Variants in IFT57 observed in about 807,000 individuals in gnomAD.
IFT57 encodes intraflagellar transport protein 57 homolog.
Under a neutral mutation model 56.8 loss-of-function variants are expected in IFT57, and 59 were observed. The ratio of observed to expected loss-of-function variants is 1.04; its 90% CI spans 0.84 to 1.29. The LOEUF is 1.29. Ranked by LOEUF, IFT57 falls within the 50% of genes most tolerant of loss-of-function variation. IFT57 has a pLI of 0.00. For synonymous variants in IFT57, 209 were observed against 186.1 expected, an observed-to-expected ratio of 1.12 and a Z score of -1.00; for missense variants, 470 against 522.1, an observed-to-expected ratio of 0.90 and a Z score of 0.97.
chr3:108,199,890 TAG>T (rs2080268214), intron 5 of IFT57, among the ~76,000 whole-genome samples: 1 of 152,048 alleles, frequency 6.6e-6, no homozygotes, highest in South Asian at 2.1e-4. Flanking sequence ...TTGAGTCAGG[TAG>T]AGAGACAGTG....
At chr3:108,216,249 A>C (rs2080372439) in intron 3 of IFT57, among the ~76,000 whole-genome samples, 1 of 152,214 alleles carries the variant, frequency 6.6e-6, no homozygotes, top group Admixed American at 6.5e-5. Flanking sequence ...ATGTATAAGA[A>C]ATTCAAGCAA....
At chr3:108,199,227 A>C (rs914559823) in intron 5 of IFT57, among the ~76,000 whole-genome samples, 14 of 152,216 alleles carry the variant, frequency 9.2e-5, no homozygotes, top group Non-Finnish European at 1.9e-4. Context: ...AAAAGAATAA[A>C]GTTTTTTCAA....
intron 4 of IFT57, among the ~76,000 whole-genome samples, chr3:108,208,523 T>C (rs945603297): frequency 6.6e-6 from 1 of 152,200 alleles, no homozygotes; most frequent in Non-Finnish European, 1.5e-5. Context: ...AACCAATATA[T>C]GGTGCTGTTT....
At position 108,195,519 on chromosome 3, in the gene IFT57, C is replaced by T. The variant is rs977117208; in HGVS notation, c.655-3876G>A. Among the ~76,000 whole-genome samples, 12 of 152,208 alleles carry T rather than the reference C, an allele frequency of 7.9e-5. No homozygotes were observed. The East Asian group carries it at 1.3e-3, about 17-fold the overall frequency. The stretch of plus-strand genomic sequence containing the variant: ...AGTATGTTAAAGAGAAATCTGCATT[C>T]GCATGTTTACTGCAGCACTATCCAC... On this transcript the variant is annotated intron_variant, in intron 5 of 10. Transcript: ENST00000264538.
intron 5 of IFT57, among the ~76,000 whole-genome samples, chr3:108,205,861 A>G (rs1285224613): frequency 3.7e-5 from 5 of 136,216 alleles, no homozygotes; most frequent in African/African-American, 1.4e-4. Context: ...ATATATTTAT[A>G]TAACATATTT....
At chr3:108,177,410 A>G (rs1312346189) in intron 6 of IFT57, among the ~76,000 whole-genome samples, 1 of 151,842 alleles carries the variant, frequency 6.6e-6, no homozygotes, top group Non-Finnish European at 1.5e-5. Context: ...CCTAAAAACA[A>G]ACAAAAATTA....
chr3:108,196,462 A>AT (rs1261236269), intron 5 of IFT57, among the ~76,000 whole-genome samples: 1 of 152,246 alleles, frequency 6.6e-6, no homozygotes, highest in African/African-American at 2.4e-5. Flanking sequence ...TGCAGTGGCC[A>AT]TTTGAACTAG....
chr3:108,206,776 T>C (rs2080316448), intron 4 of IFT57, 80 bp from the exon 5 acceptor site: 2 of 336,944 alleles, frequency 5.9e-6, no homozygotes, highest in Non-Finnish European at 1.0e-5. Context: ...TATGCTATAC[T>C]AAGCTATATT....
At chr3:108,213,298 G>GTTTT (rs1560127293) in intron 4 of IFT57, among the ~76,000 whole-genome samples, 1 of 151,728 alleles carries the variant, frequency 6.6e-6, no homozygotes, top group African/African-American at 2.4e-5. Flanking sequence ...TATAAAGTTT[G>GTTTT]TTTTTTCCCC....
At chr3:108,198,693 T>C (rs1241756367) in intron 5 of IFT57, among the ~76,000 whole-genome samples, 2 of 152,178 alleles carry the variant, frequency 1.3e-5, no homozygotes, top group South Asian at 2.1e-4. Context: ...CCACCTACCA[T>C]GGCCCTCAAA....
At chr3:108,178,043 T>G (rs2080133357) in intron 6 of IFT57, among the ~76,000 whole-genome samples, 1 of 151,660 alleles carries the variant, frequency 6.6e-6, no homozygotes, top group Non-Finnish European at 1.5e-5. Context: ...CAGCAACAAA[T>G]AAACATAAAA....
At chr3:108,220,935 G>C (rs1333932403) in intron 1 of IFT57, among the ~76,000 whole-genome samples, 1 of 152,040 alleles carries the variant, frequency 6.6e-6, no homozygotes, top group Non-Finnish European at 1.5e-5. Context: ...AGAACCTTAA[G>C]GACATTTTGT....
At chr3:108,213,503 G>C (rs947338928) in intron 4 of IFT57, among the ~76,000 whole-genome samples, 2 of 152,148 alleles carry the variant, frequency 1.3e-5, no homozygotes, top group African/African-American at 4.8e-5. Flanking sequence ...TCATTTAAAA[G>C]CATTAAAAAA....
At chr3:108,201,693 A>G (rs909834349) in intron 5 of IFT57, among the ~76,000 whole-genome samples, 8 of 152,220 alleles carry the variant, frequency 5.3e-5, no homozygotes, top group Admixed American at 1.3e-4. Context: ...TGTACATAGA[A>G]CAGTTTTTTC....
chr3:108,179,905 T>TA (rs34903030), intron 6 of IFT57, among the ~76,000 whole-genome samples: 151,581 of 151,988 alleles, frequency 1, 75,588 homozygotes, highest in Middle Eastern at 1. Flanking sequence ...CATATTACTT[T>TA]AAAAAAGTAT....
Position 108,222,407 on chromosome 3 carries a change from C to A in IFT57, c.-85G>T. On this transcript the variant is annotated 5_prime_UTR_variant, in exon 1 of 11. Transcript: ENST00000264538. ...CCAGCCCTGCCGCCGCCAGTACAGC[C>A]ACGACCGGTTACCAGGCGACCACCG... 1 of 1,218,664 alleles carries A rather than the reference C, an allele frequency of 8.2e-7. No individual in the cohort carries two copies. Among genetic ancestry groups the A allele is most frequent in the East Asian group, 2.7e-5 (1 of 36,854 alleles). The allele number at this position is 1,218,664 out of a possible 1,614,324, so 75.5% of individuals were successfully genotyped here. A position where few individuals can be genotyped will look rare whatever the true frequency, so the allele number is the denominator to read the frequency against.
At chr3:108,208,047 GA>G (rs869115655) in intron 4 of IFT57, among the ~76,000 whole-genome samples, 15,861 of 92,344 alleles carry the variant, frequency 0.17, 822 homozygotes, top group Middle Eastern at 0.21. Flanking sequence ...CGTCTCAAAA[GA>G]AAAAAAAAAA....
intron 6 of IFT57, among the ~76,000 whole-genome samples, chr3:108,175,948 T>C (rs2080121739): frequency 6.6e-6 from 1 of 151,802 alleles, no homozygotes; most frequent in Admixed American, 6.6e-5. Context: ...CACAACTGAC[T>C]GTAGCAGTTC....
chr3:108,214,770 A>G (rs1560128092), intron 3 of IFT57, among the ~76,000 whole-genome samples: 1 of 152,156 alleles, frequency 6.6e-6, no homozygotes, highest in Non-Finnish European at 1.5e-5. Flanking sequence ...GTCTATTTAT[A>G]CCATTTACTT....
Sources: allele counts gnomAD v4.1 joint callset (sites outside exome capture counted in the v4.1 genomes callset), GRCh38; gene constraint gnomAD v4.1.1; transcripts MANE v1.5; gene names NCBI Gene and HGNC (gene_info 2026-07-23, HGNC 2026-07-21).